Variants in UNC13C observed in about 807,000 individuals in gnomAD.
The protein encoded by UNC13C is unc-13 homolog C.
Under a neutral mutation model 245.4 loss-of-function variants are expected in UNC13C, and 174 were observed. That is an observed-to-expected ratio of 0.71 (90% CI 0.63 to 0.80). The LOEUF is 0.80. UNC13C is among the 30% of genes least tolerant of loss of function. UNC13C has a pLI of 0.00. For missense variants in UNC13C, 2,829 were observed against 2,602.9 expected (o/e 1.09, Z -1.89); for synonymous variants, 992 against 895.1 (o/e 1.11, Z -1.93).
intron 1 of UNC13C, among the ~76,000 whole-genome samples, chr15:54,010,290 CAGAT>C (rs1324955253): frequency 1.3e-5 from 2 of 151,964 alleles, no homozygotes; most frequent in East Asian, 1.9e-4. Context: ...AGTTTATAGT[CAGAT>C]AGGAGAGGCA....
chr15:54,551,753 T>C (rs1047531178), intron 28 of UNC13C, among the ~76,000 whole-genome samples: 2 of 152,068 alleles, frequency 1.3e-5, no homozygotes, highest in Non-Finnish European at 2.9e-5. Flanking sequence ...ATTCCATTAT[T>C]GGCTTTTGAG....
intron 19 of UNC13C, among the ~76,000 whole-genome samples, chr15:54,454,804 TCA>T (rs748065591): frequency 0.3 from 16,033 of 53,184 alleles, 1,135 homozygotes; most frequent in African/African-American, 0.42. Context: ...TTTTATTTAT[TCA>T]TTCATTCATT....
chr15:53,969,037 C>G, the UNC13C span, among the ~76,000 whole-genome samples: 5 of 152,100 alleles, frequency 3.3e-5, no homozygotes, highest in African/African-American at 1.2e-4. Flanking sequence ...TTTGTGTTTG[C>G]ACCTCTGTTT....
At chr15:54,622,760 T>C (rs2141313234) in intron 31 of UNC13C, among the ~76,000 whole-genome samples, 1 of 152,266 alleles carries the variant, frequency 6.6e-6, no homozygotes, top group South Asian at 2.1e-4. Context: ...CCTACTGCTT[T>C]TTCTATATGA....
At chr15:54,261,931 C>G (rs1181809261) in intron 8 of UNC13C, among the ~76,000 whole-genome samples, 1 of 152,082 alleles carries the variant, frequency 6.6e-6, no homozygotes, top group Admixed American at 6.5e-5. Context: ...ACCTGCTGTC[C>G]ACCGATTGGC....
At chr15:53,954,478 A>C in the UNC13C span, among the ~76,000 whole-genome samples, 2 of 152,224 alleles carry the variant, frequency 1.3e-5, no homozygotes, top group Non-Finnish European at 2.9e-5. Flanking sequence ...AAAGTGTTTT[A>C]CACAAAGTTA....
intron 2 of UNC13C, among the ~76,000 whole-genome samples, chr15:54,130,137 T>C (rs1373852501): frequency 6.6e-6 from 1 of 151,984 alleles, no homozygotes; most frequent in African/African-American, 2.4e-5. Context: ...TAAGGCATGC[T>C]TAAAAGTTTT....
chr15:54,101,403 T>C (rs1473894615), intron 2 of UNC13C, among the ~76,000 whole-genome samples: 1 of 152,232 alleles, frequency 6.6e-6, no homozygotes, highest in Non-Finnish European at 1.5e-5. Context: ...ATAGTTCCTA[T>C]TCCTTTCTCC....
chr15:54,075,007 TATC>T (rs1898520140), intron 2 of UNC13C, among the ~76,000 whole-genome samples: 1 of 152,134 alleles, frequency 6.6e-6, no homozygotes, highest in Admixed American at 6.5e-5. Flanking sequence ...AGGTTTTTAG[TATC>T]ATCAATATCG....
chr15:53,996,136 C>G (rs1037721184), intron 1 of UNC13C, among the ~76,000 whole-genome samples: 1 of 152,130 alleles, frequency 6.6e-6, no homozygotes, highest in Non-Finnish European at 1.5e-5. Flanking sequence ...ATTAAGAGAA[C>G]AGGAAGAGAT....
intron 4 of UNC13C, among the ~76,000 whole-genome samples, chr15:54,211,495 T>A (rs1182293282): frequency 6.6e-6 from 1 of 152,132 alleles, no homozygotes; most frequent in Non-Finnish European, 1.5e-5. Flanking sequence ...TATCAAGTTA[T>A]CCTACTATGA....
At chr15:54,272,685 A>G (rs2036718553) in intron 10 of UNC13C, among the ~76,000 whole-genome samples, 4 of 152,214 alleles carry the variant, frequency 2.6e-5, no homozygotes, top group Admixed American at 2.6e-4. Context: ...GAAAATAATA[A>G]TAACCAATTC....
chr15:54,524,328 A>G (rs2141136587), intron 24 of UNC13C, among the ~76,000 whole-genome samples: 1 of 152,186 alleles, frequency 6.6e-6, no homozygotes, highest in South Asian at 2.1e-4. Context: ...TTACTGAGAC[A>G]GAAGAAAAAA....
In UNC13C at chr15:54,051,750, C is replaced by T. The variant is rs1241053741; in HGVS notation, c.2983+35864C>T. 2.2e-5 allele frequency among the ~76,000 whole-genome samples: 3 copies of T among 136,166 alleles called. 1 individual carries two copies. The South Asian group carries it at 7.0e-4, about 32-fold the overall frequency. The allele number at this position is 136,166 out of a possible 152,430, so 89.3% of individuals were successfully genotyped here. A position where few individuals can be genotyped will look rare whatever the true frequency, so the allele number is the denominator to read the frequency against. ...TTGAGCTCGTTTAAGGACTATACTCCATTCTTTCTTTCTTTTTTTTTTTAT... is the reference window on the plus strand; with the variant it reads ...TTGAGCTCGTTTAAGGACTATACTCTATTCTTTCTTTCTTTTTTTTTTTAT... On this transcript the variant is annotated intron_variant, in intron 2 of 32. Coordinates refer to ENST00000260323, the MANE Select transcript of UNC13C (RefSeq NM_001080534.3).
chr15:54,500,922 A>T lies in UNC13C; in HGVS notation c.5245A>T (p.Lys1749Ter). The T allele has an allele frequency of 6.2e-7, 1 of 1,613,122 alleles. No homozygotes were observed. The highest frequency in any genetic ancestry group is 8.5e-7 in the Non-Finnish European group (1 of 1,179,308). The change falls in exon 22 of 33, where the codon AAA (lysine) becomes TAA (stop). Residue 1749 changes from lysine to a stop codon, truncating the protein, a stop_gained. Coordinates refer to ENST00000260323, the MANE Select transcript of UNC13C (RefSeq NM_001080534.3). LOFTEE classifies it high-confidence loss of function. Reference protein sequence around the residue: ...QLNQSFEIIKKLECPNPEALS... With the variant: ...QLNQSFEIIK ...GAATCAGAGCTTTGAAATTATTAAG[A>T]AACTGGAATGCCCTAATCCTGAAGC...
intron 18 of UNC13C, among the ~76,000 whole-genome samples, chr15:54,404,979 C>A (rs957955065): frequency 2.6e-5 from 4 of 152,100 alleles, no homozygotes; most frequent in Admixed American, 6.6e-5. Flanking sequence ...AATTTTCATT[C>A]ACTTTATGTG....
At chr15:54,176,119 A>T (rs1373857973) in intron 4 of UNC13C, among the ~76,000 whole-genome samples, 2 of 152,060 alleles carry the variant, frequency 1.3e-5, no homozygotes, top group African/African-American at 4.8e-5. Context: ...ATTTGTTTTA[A>T]AACATCCTGA....
At chr15:54,231,837 A>T (rs1022659387) in intron 4 of UNC13C, among the ~76,000 whole-genome samples, 1 of 152,036 alleles carries the variant, frequency 6.6e-6, no homozygotes, top group Non-Finnish European at 1.5e-5. Context: ...CTTCTTGTTC[A>T]TCAAGTCTAG....
intron 7 of UNC13C, among the ~76,000 whole-genome samples, chr15:54,246,156 A>G (rs2035984879): frequency 6.6e-6 from 1 of 151,970 alleles, no homozygotes; most frequent in African/African-American, 2.4e-5. Flanking sequence ...ATTTCCTTCC[A>G]GTGTCCTAAT....
Sources: allele counts gnomAD v4.1 joint callset (sites outside exome capture counted in the v4.1 genomes callset), GRCh38; gene constraint gnomAD v4.1.1; transcripts MANE v1.5; gene names NCBI Gene and HGNC (gene_info 2026-07-23, HGNC 2026-07-21).